Variants in BABAM2 observed in about 807,000 individuals in gnomAD.
BABAM2 encodes the protein BRISC and BRCA1 A complex member 2, also known as BRISC and BRCA1-A complex member 2.
In BABAM2, 31 loss-of-function variants were observed where a neutral mutation model predicts 54.7. The observed-to-expected ratio is 0.57, with a 90% CI of 0.43 to 0.77. BABAM2 has a LOEUF of 0.77. Ranked by LOEUF, BABAM2 falls within the 30% of genes least tolerant of loss-of-function variation. BABAM2 has a pLI of 0.00. For missense variants in BABAM2, 364 were observed against 455.8 expected (o/e 0.80, Z 1.83); for synonymous variants, 167 against 162.9 (o/e 1.03, Z -0.19).
At chr2:28,286,813 G>A (rs1202518195) in intron 10 of BABAM2, among the ~76,000 whole-genome samples, 1 of 152,164 alleles carries the variant, frequency 6.6e-6, no homozygotes, top group Non-Finnish European at 1.5e-5. Context: ...TGACACTGTG[G>A]GGAGGAGTTG....
chr2:27,988,190 T>A, intron 4 of BABAM2, 103 bp downstream of exon 4: 1 of 1,068,778 alleles, frequency 9.4e-7, no homozygotes, highest in African/African-American at 1.6e-5. Context: ...ACATCTGCAT[T>A]TTTTTCCCAC....
chr2:27,983,567 T>C (rs910241608), intron 3 of BABAM2, among the ~76,000 whole-genome samples: 5 of 152,128 alleles, frequency 3.3e-5, no homozygotes, highest in Non-Finnish European at 5.9e-5. Flanking sequence ...ATTTTAACAA[T>C]AGTAAGTCTT....
chr2:28,065,388 C>T (rs949391044), intron 6 of BABAM2, among the ~76,000 whole-genome samples: 1 of 152,164 alleles, frequency 6.6e-6, no homozygotes, highest in African/African-American at 2.4e-5. Flanking sequence ...ATTATAATGC[C>T]GTAAAGAACT....
intron 2 of BABAM2, among the ~76,000 whole-genome samples, chr2:27,915,395 T>C (rs1666889722): frequency 6.6e-6 from 1 of 152,198 alleles, no homozygotes; most frequent in South Asian, 2.1e-4. Flanking sequence ...CAGTGGATCC[T>C]CATAACAGCT....
rs557050137 is a variant in BABAM2, at chr2:27,977,390, T to C, written c.206-10603T>C. On this transcript the variant is annotated intron_variant, in intron 3 of 11. Transcript: ENST00000379624. ...AATATCATGATGGACTTTAAATAGG[T>C]AAATCTAGCGATACTGAAATATAAT... is the stretch of plus-strand genomic sequence containing the variant. Among the ~76,000 whole-genome samples, 5 of 152,280 alleles carry C rather than the reference T, an allele frequency of 3.3e-5. No homozygotes were observed. The South Asian group carries it at 8.3e-4, about 25-fold the overall frequency.
At position 28,317,046 on chromosome 2, in the gene BABAM2, C is replaced by T. The variant is rs114669991; in HGVS notation, c.1088+18555C>T. Reference sequence around the variant, plus strand: ...GATTACCTGATGAGTATCCCCCAGACCCCCACTTGGCTGCATGTCCTTCGG... The same window carrying T: ...GATTACCTGATGAGTATCCCCCAGATCCCCACTTGGCTGCATGTCCTTCGG... On this transcript the variant is annotated intron_variant, in intron 11 of 11. Transcript: ENST00000379624. Among the ~76,000 whole-genome samples the T allele has an allele frequency of 7.9e-3, 1,209 of 152,188 alleles. 8 individuals are homozygous for T. Among genetic ancestry groups the T allele is most frequent in the African/African-American group, 0.028 (1,143 of 41,508 alleles).
At chr2:28,195,460 A>T (rs1677417368) in intron 7 of BABAM2, among the ~76,000 whole-genome samples, 1 of 152,182 alleles carries the variant, frequency 6.6e-6, no homozygotes, top group African/African-American at 2.4e-5. Context: ...CTGGAAAAAA[A>T]ATCTCTATGA....
chr2:28,095,057 T>C (rs758349589), intron 6 of BABAM2, among the ~76,000 whole-genome samples: 30 of 152,254 alleles, frequency 2.0e-4, no homozygotes, highest in Non-Finnish European at 2.9e-4. Flanking sequence ...AAATGCATTG[T>C]TTCCTCTGTA....
intron 7 of BABAM2, among the ~76,000 whole-genome samples, chr2:28,212,627 G>C (rs1203227689): frequency 1.3e-5 from 2 of 152,106 alleles, no homozygotes; most frequent in East Asian, 3.8e-4. Flanking sequence ...AGAGTCACTT[G>C]ATAAGTATAT....
intron 2 of BABAM2, among the ~76,000 whole-genome samples, chr2:27,916,363 T>A (rs1010128381): frequency 2.0e-5 from 3 of 152,204 alleles, no homozygotes; most frequent in Non-Finnish European, 4.4e-5. Flanking sequence ...ACACTGTACA[T>A]TGAATGTATG....
intron 4 of BABAM2, among the ~76,000 whole-genome samples, chr2:28,022,851 C>A (rs1675372704): frequency 6.6e-6 from 1 of 152,190 alleles, no homozygotes; most frequent in Admixed American, 6.5e-5. Flanking sequence ...AGCTCCAATG[C>A]CTTGTATTGC....
At chr2:27,991,718 GT>G (rs1316278772) in intron 4 of BABAM2, among the ~76,000 whole-genome samples, 1 of 152,118 alleles carries the variant, frequency 6.6e-6, no homozygotes, top group Non-Finnish European at 1.5e-5. Flanking sequence ...ATGTATTACT[GT>G]TTTATTTTCT....
At position 28,007,057 on chromosome 2, in the gene BABAM2, G is replaced by A. The variant is rs191299372; in HGVS notation, c.301-18169G>A. Among the ~76,000 whole-genome samples, 9 of 151,800 alleles carry A rather than the reference G, an allele frequency of 5.9e-5. No individual in the cohort carries two copies. In the East Asian group the frequency reaches 1.7e-3, roughly 29 times the overall value. ...GATCTTTTTTTTTGATGGTTTGGAA[G>A]CATTTAAGAGACTTTATAGCATCAG... is the stretch of plus-strand genomic sequence containing the variant. On this transcript the variant is annotated intron_variant, in intron 4 of 11. Coordinates refer to ENST00000379624, the MANE Select transcript of BABAM2 (RefSeq NM_199191.3).
At chr2:27,979,231 G>T (rs144570387) in intron 3 of BABAM2, among the ~76,000 whole-genome samples, 3 of 151,592 alleles carry the variant, frequency 2.0e-5, no homozygotes, top group Non-Finnish European at 2.9e-5. Context: ...ACGTGGTTTC[G>T]CCATGTTAAC....
chr2:28,084,035 C>G (rs1179927943), intron 6 of BABAM2, among the ~76,000 whole-genome samples: 1 of 152,176 alleles, frequency 6.6e-6, no homozygotes, highest in Non-Finnish European at 1.5e-5. Context: ...CCTGCCCTCT[C>G]TTGTGATGCA....
intron 5 of BABAM2, among the ~76,000 whole-genome samples, chr2:28,039,341 A>G (rs532871124): frequency 6.6e-6 from 1 of 152,368 alleles, no homozygotes; most frequent in African/African-American, 2.4e-5. Context: ...GGATAATTAA[A>G]TGACATATCT....
chr2:28,002,363 GA>G (rs1673639229), intron 4 of BABAM2, among the ~76,000 whole-genome samples: 1 of 152,204 alleles, frequency 6.6e-6, no homozygotes, highest in African/African-American at 2.4e-5. Flanking sequence ...CTGGGGAATA[GA>G]ATGTGCTGAT....
intron 7 of BABAM2, among the ~76,000 whole-genome samples, chr2:28,173,712 A>C (rs569360717): frequency 6.6e-6 from 1 of 152,320 alleles, no homozygotes; most frequent in South Asian, 2.1e-4. Context: ...GCTTAGGTCT[A>C]GATGTTGGAT....
chr2:28,191,126 C>T (rs1029765164), intron 7 of BABAM2, among the ~76,000 whole-genome samples: 6 of 152,116 alleles, frequency 3.9e-5, no homozygotes, highest in African/African-American at 1.4e-4. Flanking sequence ...AGAAGACAAA[C>T]AGCTTAATAC....
Sources: gnomAD v4.1 joint callset for allele counts (sites outside exome capture counted in the v4.1 genomes callset) on GRCh38, gnomAD v4.1.1 for gene constraint, MANE v1.5 for transcripts, NCBI Gene and HGNC (gene_info 2026-07-23, HGNC 2026-07-21) for gene names.